The following FAM168A variants were observed in gnomAD, a reference collection of about 807,000 sequenced individuals.
FAM168A encodes the protein protein FAM168A.
Under a neutral mutation model 28.5 loss-of-function variants are expected in FAM168A, and 3 were observed. The observed-to-expected ratio is 0.11, with a 90% CI of 0.05 to 0.27. FAM168A has a LOEUF of 0.27. FAM168A is among the 10% of genes least tolerant of loss of function. The pLI is 1.00. For synonymous variants in FAM168A, 122 were observed against 124.2 expected (o/e 0.98, Z 0.12); for missense variants, 222 against 311.5 (o/e 0.71, Z 2.16).
At chr11:73,551,857 C>A (rs1217956978) in intron 1 of FAM168A, among the ~76,000 whole-genome samples, 1 of 152,182 alleles carries the variant, frequency 6.6e-6, no homozygotes, top group African/African-American at 2.4e-5. Flanking sequence ...TAGGCACTTG[C>A]CTAAAGCATT....
At chr11:73,467,187 G>A (rs1326827772) in intron 2 of FAM168A, among the ~76,000 whole-genome samples, 1 of 151,854 alleles carries the variant, frequency 6.6e-6, no homozygotes, top group Non-Finnish European at 1.5e-5. Context: ...ATTCCTTGGT[G>A]ATTAATAGAG....
chr11:73,565,087 T>C (rs1944006859), intron 1 of FAM168A, among the ~76,000 whole-genome samples: 1 of 152,182 alleles, frequency 6.6e-6, no homozygotes, highest in Non-Finnish European at 1.5e-5. Context: ...CAGAAGCTCA[T>C]TTAAACCAGC....
chr11:73,419,205 A>G (rs1866749474), intron 4 of FAM168A, among the ~76,000 whole-genome samples: 1 of 152,154 alleles, frequency 6.6e-6, no homozygotes, highest in African/African-American at 2.4e-5. Flanking sequence ...CAGTTACCCT[A>G]CTGAGCCTCA....
intron 1 of FAM168A, among the ~76,000 whole-genome samples, chr11:73,574,727 T>C (rs905046761): frequency 6.7e-6 from 1 of 149,520 alleles, no homozygotes; most frequent in African/African-American, 2.5e-5. Flanking sequence ...CATTTTTTTT[T>C]TTTTTTTTTT....
chr11:73,467,238 A>G (rs1867749443), intron 2 of FAM168A, among the ~76,000 whole-genome samples: 1 of 151,864 alleles, frequency 6.6e-6, no homozygotes, highest in Admixed American at 6.6e-5. Flanking sequence ...AGTACAAATT[A>G]TCTTGTTTGA....
At chr11:73,425,124 A>T (rs1866865669) in intron 3 of FAM168A, 3 of 1,141,546 alleles carry the variant, frequency 2.6e-6, no homozygotes, top group Non-Finnish European at 3.6e-6. Context: ...TTACATAAAC[A>T]GACTTTGTTT....
At position 73,444,633 on chromosome 11, in the gene FAM168A, T is replaced by G. The variant is rs182848959; in HGVS notation, c.71-13863A>C. Among the ~76,000 whole-genome samples, 8 of 152,356 alleles carry G rather than the reference T, an allele frequency of 5.3e-5. No homozygotes were observed. The East Asian group carries it at 1.5e-3, about 29-fold the overall frequency. On this transcript the variant is annotated intron_variant, in intron 2 of 7. Coordinates refer to ENST00000356467, the MANE Select transcript of FAM168A (RefSeq NM_015159.3). ...ACATTTTTGCCTTTTTATTTGTAAT[T>G]TATTTCAGTCTATTATTTCTGCTTT... is the stretch of plus-strand genomic sequence containing the variant.
chr11:73,507,468 C>A (rs1167755305), intron 1 of FAM168A, among the ~76,000 whole-genome samples: 1 of 152,044 alleles, frequency 6.6e-6, no homozygotes, highest in African/African-American at 2.4e-5. Flanking sequence ...GACACTGAGG[C>A]CTACTAGAGG....
chr11:73,512,142 T>A (rs547508975), intron 1 of FAM168A, among the ~76,000 whole-genome samples: 10 of 152,148 alleles, frequency 6.6e-5, no homozygotes, highest in African/African-American at 1.9e-4. Flanking sequence ...ATATAAGGAA[T>A]GAAAAAATGA....
In FAM168A at chr11:73,409,503, G is replaced by A. The variant is rs746033767; in HGVS notation, c.579C>T (p.Thr193=). ...TGCCCTCACCTGCTGACATTGCCAT[G>A]GTGGTGCCTGCCACCATGCCCATGG... ...GVAMGMVAGT[T]MAMSAGTLLT... is the part of the protein sequence containing the mutation. Residue 193 remains threonine (T), a synonymous_variant, in exon 6 of 8, where the codon ACC becomes ACT. Coordinates refer to ENST00000356467, the MANE Select transcript of FAM168A (RefSeq NM_015159.3). 3.1e-6 allele frequency: 5 copies of A among 1,613,750 alleles called. No individual in the cohort carries two copies. The highest frequency in any genetic ancestry group is 2.2e-5 in the East Asian group (1 of 44,888).
chr11:73,423,079 T>C (rs1866826336), intron 3 of FAM168A, among the ~76,000 whole-genome samples: 1 of 152,224 alleles, frequency 6.6e-6, no homozygotes, highest in Admixed American at 6.5e-5. Flanking sequence ...AGTTTTGTTG[T>C]CTCATAAAAT....
intron 1 of FAM168A, among the ~76,000 whole-genome samples, chr11:73,544,721 T>TTTATA (rs1426364108): frequency 8.5e-6 from 1 of 117,146 alleles, no homozygotes; most frequent in Admixed American, 1.0e-4. Flanking sequence ...AATTATATAT[T>TTTATA]TTATATGTAA....
intron 2 of FAM168A, among the ~76,000 whole-genome samples, chr11:73,466,876 C>A (rs1867743571): frequency 6.6e-6 from 1 of 152,020 alleles, no homozygotes; most frequent in Non-Finnish European, 1.5e-5. Flanking sequence ...TTTTTACAGC[C>A]ACCAGGGGTA....
chr11:73,465,230 A>G (rs192101684), intron 2 of FAM168A, among the ~76,000 whole-genome samples: 138 of 149,432 alleles, frequency 9.2e-4, no homozygotes, highest in African/African-American at 3.3e-3. Context: ...GAGATCTGAC[A>G]CACTCCAGAA....
intron 1 of FAM168A, among the ~76,000 whole-genome samples, chr11:73,575,806 T>C (rs568660317): frequency 6.6e-4 from 100 of 151,858 alleles, no homozygotes; most frequent in Non-Finnish European, 1.2e-3. Context: ...GAGGTGGAGG[T>C]TGCAGTGAAC....
chr11:73,459,079 G>GC (rs1177976970), intron 2 of FAM168A, among the ~76,000 whole-genome samples: 1 of 151,616 alleles, frequency 6.6e-6, no homozygotes, highest in African/African-American at 2.4e-5. Context: ...GTCAAACTTT[G>GC]TTTTTGTTTT....
At chr11:73,489,212 T>G (rs560546244) in intron 1 of FAM168A, among the ~76,000 whole-genome samples, 4 of 152,282 alleles carry the variant, frequency 2.6e-5, no homozygotes, top group Admixed American at 2.6e-4. Flanking sequence ...CTTCCCTTCA[T>G]AGCAAAATTC....
At chr11:73,474,101 T>G (rs529964266) in intron 1 of FAM168A, among the ~76,000 whole-genome samples, 1 of 152,256 alleles carries the variant, frequency 6.6e-6, no homozygotes, top group Admixed American at 6.5e-5. Flanking sequence ...TGGACCACCG[T>G]GCCCGGCTTA....
intron 2 of FAM168A, among the ~76,000 whole-genome samples, chr11:73,436,721 T>C (rs1440582148): frequency 2.0e-5 from 3 of 152,168 alleles, no homozygotes; most frequent in African/African-American, 7.2e-5. Context: ...AGCTAATAAG[T>C]AGAGAGTGGA....
Sources: allele counts gnomAD v4.1 joint callset (sites outside exome capture counted in the v4.1 genomes callset), GRCh38; gene constraint gnomAD v4.1.1; transcripts MANE v1.5; gene names NCBI Gene and HGNC (gene_info 2026-07-23, HGNC 2026-07-21).